Variants in CDK15 observed in about 807,000 individuals in gnomAD.
The protein encoded by CDK15 is cyclin-dependent kinase 15.
CDK15 carries 62 observed loss-of-function variants against 60.3 expected under a neutral mutation model. The observed-to-expected ratio is 1.03, with a 90% CI of 0.84 to 1.27. The LOEUF (loss-of-function observed/expected upper bound fraction) is 1.27, where lower values mean the gene tolerates loss of function less well. Ranked by LOEUF, CDK15 falls within the 50% of genes most tolerant of loss-of-function variation. The probability of loss-of-function intolerance (pLI) is 0.00; values close to 1 mark genes in which losing one functional copy is unlikely to be tolerated. For missense variants in CDK15, 541 were observed against 527.8 expected (o/e 1.03, Z -0.25); for synonymous variants, 194 against 195.7 (o/e 0.99, Z 0.07).
intron 1 of CDK15, 87 bp downstream of exon 1, chr2:201,806,874 T>C: frequency 6.7e-7 from 1 of 1,488,282 alleles, no homozygotes; most frequent in Non-Finnish European, 9.1e-7. Flanking sequence ...ATCTGATTCT[T>C]CTGCGGTAGG....
At chr2:201,812,173 C>CAAAAAA (rs56808760) in intron 3 of CDK15, among the ~76,000 whole-genome samples, 4 of 96,818 alleles carry the variant, frequency 4.1e-5, no homozygotes, top group East Asian at 5.8e-4. Context: ...GATTCTGTCT[C>CAAAAAA]AAAAAAAAAA....
At chr2:201,874,610 C>G (rs983713181) in intron 11 of CDK15, among the ~76,000 whole-genome samples, 1 of 152,052 alleles carries the variant, frequency 6.6e-6, no homozygotes, top group Non-Finnish European at 1.5e-5. Context: ...TAACAAGCAG[C>G]CGAAGTGTCA....
chr2:201,882,034 C>T lies in CDK15; in HGVS notation c.1198+1867C>T, dbSNP rs569257325. ...TTTCTAGGCTCCAGCTTTTGCTTGA[C>T]GCAAGATGATTAGGAAGAAACAATC... is the stretch of plus-strand genomic sequence containing the variant. On this transcript the variant is annotated intron_variant, in intron 12 of 13. Coordinates refer to ENST00000652192, the MANE Select transcript of CDK15 (RefSeq NM_001366386.2). This position sits in a 1 kb window ranked among gnomAD's most constrained non-coding sequence, Gnocchi z 4.0. 3.4e-4 allele frequency among the ~76,000 whole-genome samples: 52 copies of T among 152,224 alleles called. 1 individual carries two copies. Among genetic ancestry groups the T allele is most frequent in the African/African-American group, 1.2e-3 (49 of 41,540 alleles).
intron 12 of CDK15, among the ~76,000 whole-genome samples, chr2:201,886,182 T>A (rs925279226): frequency 2.0e-5 from 3 of 152,208 alleles, no homozygotes; most frequent in African/African-American, 7.2e-5. Context: ...GTGTTTAATA[T>A]CTCACAATTA....
At chr2:201,818,964 A>C (rs1307870078) in intron 4 of CDK15, among the ~76,000 whole-genome samples, 5 of 151,718 alleles carry the variant, frequency 3.3e-5, no homozygotes, top group South Asian at 4.2e-4. Flanking sequence ...AATAAGCAAA[A>C]AAAACAAAAC....
chr2:201,872,578 G>C (rs891559886), intron 11 of CDK15, among the ~76,000 whole-genome samples: 2 of 152,052 alleles, frequency 1.3e-5, no homozygotes, highest in Non-Finnish European at 1.5e-5. Context: ...CAGGCCCTGA[G>C]AACGAGGGAG....
At position 201,833,934 on chromosome 2, in the gene CDK15, C is replaced by G. The variant is rs752302088; in HGVS notation, c.693C>G (p.Leu231=). The change falls in exon 7 of 14, where the codon CTC becomes CTG. Residue 231 remains leucine (L), a synonymous_variant. Coordinates refer to ENST00000652192, the MANE Select transcript of CDK15 (RefSeq NM_001366386.2). The stretch of plus-strand genomic sequence containing the variant: ...GGGACCTGAAACCTCAGAACTTACT[C>G]ATCAGTCACCTGGGAGAGCTCAAAC... ...LHRDLKPQNL[L]ISHLGELKLA... is the part of the protein sequence containing the mutation. 34 of 1,613,964 alleles carry G rather than the reference C, an allele frequency of 2.1e-5. No individual in the cohort carries two copies. The highest frequency in any genetic ancestry group is 2.7e-5 in the Non-Finnish European group (32 of 1,179,954).
At chr2:201,826,707 A>G (rs1030707768) in intron 6 of CDK15, among the ~76,000 whole-genome samples, 1 of 152,222 alleles carries the variant, frequency 6.6e-6, no homozygotes, top group Admixed American at 6.5e-5. Flanking sequence ...AGCAACCTGC[A>G]TTTTAAAAAA....
chr2:201,866,793 G>A (rs908290835), intron 10 of CDK15, among the ~76,000 whole-genome samples: 8 of 152,104 alleles, frequency 5.3e-5, no homozygotes, highest in African/African-American at 1.9e-4. Flanking sequence ...AAAATCAATG[G>A]GAGAGAGGCA....
intron 12 of CDK15, chr2:201,888,900 ACT>A: frequency 1.0e-6 from 1 of 1,004,216 alleles, no homozygotes; most frequent in Non-Finnish European, 1.2e-6. Context: ...AAGTATACGC[ACT>A]GTTTATTTTA....
Position 201,847,348 on chromosome 2 carries a change from A to G in CDK15, c.852-33A>G, listed in dbSNP as rs746174758. On this transcript the variant is annotated intron_variant, in intron 8 of 13. Coordinates refer to ENST00000652192, the MANE Select transcript of CDK15 (RefSeq NM_001366386.2). ...CAGTTTCGCTTGTATGATTTCTTTC[A>G]AAGTGTCAATTTACTCTTATTTCAT... The G allele has an allele frequency of 3.2e-5, 51 of 1,581,078 alleles. No homozygotes were observed. In the South Asian group the frequency reaches 5.1e-4, roughly 16 times the overall value.
At chr2:201,860,807 C>T (rs771768414) in intron 10 of CDK15, 3 of 1,352,062 alleles carry the variant, frequency 2.2e-6, no homozygotes, top group Admixed American at 1.9e-5. Flanking sequence ...GCAATGCAGC[C>T]TTGTTCTAGG....
At chr2:201,888,237 G>A (rs1699529397) in intron 12 of CDK15, among the ~76,000 whole-genome samples, 1 of 152,104 alleles carries the variant, frequency 6.6e-6, no homozygotes, top group Non-Finnish European at 1.5e-5. Context: ...CTAAAGGAAG[G>A]AAAGTTAAAG....
intron 10 of CDK15, among the ~76,000 whole-genome samples, chr2:201,856,874 A>G (rs539800688): frequency 2.5e-4 from 38 of 152,282 alleles, no homozygotes; most frequent in African/African-American, 8.2e-4. Flanking sequence ...TGGTGAGAGC[A>G]ATAATCAAGA....
intron 4 of CDK15, among the ~76,000 whole-genome samples, chr2:201,814,996 G>C (rs1481889195): frequency 6.7e-6 from 1 of 150,010 alleles, no homozygotes; most frequent in Non-Finnish European, 1.5e-5. Flanking sequence ...TTGTTGCCCA[G>C]GCTGGAGTGC....
At chr2:201,843,049 A>G (rs1202893927) in intron 8 of CDK15, among the ~76,000 whole-genome samples, 3 of 152,250 alleles carry the variant, frequency 2.0e-5, no homozygotes, top group African/African-American at 7.2e-5. Flanking sequence ...TGTTCAGAAT[A>G]TTTAAAATGT....
intron 10 of CDK15, among the ~76,000 whole-genome samples, chr2:201,856,540 A>T (rs1462705649): frequency 6.6e-6 from 1 of 152,224 alleles, no homozygotes; most frequent in South Asian, 2.1e-4. Context: ...AGATAGAGAA[A>T]AAAGAACAAG....
chr2:201,812,615 T>C, intron 4 of CDK15, 53 bp downstream of exon 4: 2 of 1,199,278 alleles, frequency 1.7e-6, no homozygotes, highest in Non-Finnish European at 2.5e-6. Flanking sequence ...CTTGATTTGG[T>C]AAAAAATGTA....
Position 201,893,708 on chromosome 2 carries a change from T to C in CDK15, c.*441T>C, listed in dbSNP as rs1699703336. On this transcript the variant is annotated 3_prime_UTR_variant, in exon 14 of 14. Transcript: ENST00000652192. ...CACTCCTGTGTTCACTTACAATTTC[T>C]CCCAACAAAAGGATTTCTGTGGCAA... 1.3e-5 allele frequency: 2 copies of C among 152,140 alleles called. No individual in the cohort carries two copies. The highest frequency in any genetic ancestry group is 2.9e-5 in the Non-Finnish European group (2 of 68,036). 9.4% of individuals were successfully genotyped at this position (152,140 alleles called of 1,614,324 possible).
Sources: allele counts gnomAD v4.1 joint callset (sites outside exome capture counted in the v4.1 genomes callset), GRCh38; gene constraint gnomAD v4.1.1; non-coding constraint Gnocchi (gnomAD v3.1); transcripts MANE v1.5; gene names NCBI Gene and HGNC (gene_info 2026-07-23, HGNC 2026-07-21).